OVOL2: variants seen among roughly 807,000 people sequenced by gnomAD.
The protein encoded by OVOL2 is transcription factor Ovo-like 2.
A neutral mutation model predicts 18.1 loss-of-function variants in OVOL2; 13 were observed. The ratio of observed to expected loss-of-function variants is 0.72; its 90% CI spans 0.47 to 1.14. OVOL2 has a LOEUF of 1.14. Ranked by LOEUF, OVOL2 falls within the 50% of genes most tolerant of loss-of-function variation. OVOL2 has a pLI of 0.00. For synonymous variants in OVOL2, 166 were observed against 162.7 expected (o/e 1.02, Z -0.16); for missense variants, 335 against 383.0 (o/e 0.87, Z 1.05).
intron 3 of OVOL2, among the ~76,000 whole-genome samples, chr20:18,038,826 C>T (rs913351047): frequency 6.6e-6 from 1 of 152,028 alleles, no homozygotes; most frequent in Non-Finnish European, 1.5e-5. Flanking sequence ...TGATTTCCTG[C>T]CCCTGGGGTC....
chr20:18,051,055 C>T (rs989693441), intron 2 of OVOL2, among the ~76,000 whole-genome samples: 10 of 152,020 alleles, frequency 6.6e-5, no homozygotes, highest in African/African-American at 2.4e-4. Flanking sequence ...CGGCTTGAAT[C>T]CATAATTCAC....
At chr20:18,053,572 G>A (rs1344513018) in intron 2 of OVOL2, among the ~76,000 whole-genome samples, 1 of 152,044 alleles carries the variant, frequency 6.6e-6, no homozygotes, top group Non-Finnish European at 1.5e-5. Context: ...TTTGTGGTAG[G>A]TGCCTGTAAT....
In OVOL2 at chr20:18,026,582, C is replaced by T. The variant is rs573982743; in HGVS notation, c.512-1630G>A. Among the ~76,000 whole-genome samples, 36 of 152,230 alleles carry T rather than the reference C, an allele frequency of 2.4e-4. 1 individual carries two copies. Among genetic ancestry groups the T allele is most frequent in the South Asian group, 1.7e-3 (8 of 4,820 alleles). ...ATCTTTAGTAGAGACGGGGTTTCAC[C>T]ATGTTAGCCAGAATGGTCTCGATCT... On this transcript the variant is annotated intron_variant, in intron 3 of 3. Coordinates refer to ENST00000278780, the MANE Select transcript of OVOL2 (RefSeq NM_021220.4).
At chr20:18,052,707 ATT>A (rs2036781460) in intron 2 of OVOL2, among the ~76,000 whole-genome samples, 2 of 152,334 alleles carry the variant, frequency 1.3e-5, no homozygotes, top group South Asian at 4.1e-4. Context: ...TCTAAACTTA[ATT>A]TATTTTGAAG....
At chr20:18,026,748 G>A (rs2036522794) in intron 3 of OVOL2, among the ~76,000 whole-genome samples, 1 of 152,134 alleles carries the variant, frequency 6.6e-6, no homozygotes. Flanking sequence ...AGAGCCACAG[G>A]TTAGGGTCTT....
In OVOL2 at chr20:18,057,661, C is replaced by T. The variant is rs1196533215; in HGVS notation, c.-27G>A. ...GTGGGGTCCCCTCTCCCGACTGCGG[C>T]CCCCTCCTCCCGGCTGCTCCCCGCT... On this transcript the variant is annotated 5_prime_UTR_variant, in exon 1 of 4. Coordinates refer to ENST00000278780, the MANE Select transcript of OVOL2 (RefSeq NM_021220.4). This position sits in a 1 kb window ranked among gnomAD's most constrained non-coding sequence, Gnocchi z 6.3. The T allele has an allele frequency of 1.9e-6, 3 of 1,544,304 alleles. No homozygotes were observed. Among genetic ancestry groups the T allele is most frequent in the Non-Finnish European group, 2.6e-6 (3 of 1,144,124 alleles).
chr20:18,041,722 A>T lies in OVOL2; in HGVS notation c.323T>A (p.Phe108Tyr), dbSNP rs765928290. 27 of 1,609,368 alleles carry T rather than the reference A, an allele frequency of 1.7e-5. No homozygotes were observed. Among genetic ancestry groups the T allele is most frequent in the Admixed American group, 1.0e-4 (6 of 59,882 alleles). The part of the protein sequence containing the change: ...QRPVARSKIK[F>Y]TTGTCSDSVV... Reference sequence around the variant, plus strand: ...CGAGTCGCTGCACGTGCCTGTGGTGAACTGGGGGCAGAGAGAGGCCATGAG... The same window carrying T: ...CGAGTCGCTGCACGTGCCTGTGGTGTACTGGGGGCAGAGAGAGGCCATGAG... The change falls in exon 3 of 4, where the codon TTC becomes TAC. Residue 108 changes from phenylalanine (F) to tyrosine (Y), a missense_variant and splice_region_variant. Transcript: ENST00000278780.
At chr20:18,049,226 A>G (rs896780639) in intron 2 of OVOL2, among the ~76,000 whole-genome samples, 11 of 152,058 alleles carry the variant, frequency 7.2e-5, no homozygotes, top group Non-Finnish European at 1.5e-4. Flanking sequence ...CAAACCAATC[A>G]TTGTCTCCGC....
chr20:18,035,628 C>G (rs1269512378), intron 3 of OVOL2, among the ~76,000 whole-genome samples: 1 of 152,214 alleles, frequency 6.6e-6, no homozygotes. Flanking sequence ...GAAGAGATGG[C>G]TCGGCAAGCC....
At chr20:18,031,553 G>A (rs183001655) in intron 3 of OVOL2, among the ~76,000 whole-genome samples, 26 of 152,198 alleles carry the variant, frequency 1.7e-4, no homozygotes, top group Non-Finnish European at 3.7e-4. Flanking sequence ...CTCCAACCTG[G>A]GTAACGGAGC....
rs919453420 is a variant in OVOL2, at chr20:18,057,680, C to G, written c.-46G>C. ...CTGCGGCCCCCTCCTCCCGGCTGCT[C>G]CCCGCTAGGGGCAACGGCGGCGGCT... On this transcript the variant is annotated 5_prime_UTR_variant, in exon 1 of 4. Coordinates refer to ENST00000278780, the MANE Select transcript of OVOL2 (RefSeq NM_021220.4). This position sits in a 1 kb window ranked among gnomAD's most constrained non-coding sequence, Gnocchi z 6.3. 5.9e-6 allele frequency: 9 copies of G among 1,530,170 alleles called. No homozygotes were observed. The highest frequency in any genetic ancestry group is 7.9e-6 in the Non-Finnish European group (9 of 1,136,984). 94.8% of individuals were successfully genotyped at this position (1,530,170 alleles called of 1,614,324 possible).
rs749450607 is a variant in OVOL2, at chr20:18,056,725, C to G, written c.253G>C (p.Gly85Arg). 7.2e-5 allele frequency: 106 copies of G among 1,465,694 alleles called. No individual in the cohort carries two copies. In the Middle Eastern group the frequency reaches 1.1e-3, roughly 15 times the overall value. 90.8% of individuals were successfully genotyped at this position (1,465,694 alleles called of 1,614,324 possible). ...TGTCCATCGGGGCCCTCGGCGTCGC[C>G]GGGCTCGGGGGTTTCGCTCTCGGGG... Reference protein sequence around the residue: ...HAPESETPEPGDAEGPDGHLA... With the variant: ...HAPESETPEPRDAEGPDGHLA... The change falls in exon 2 of 4, where the codon GGC (glycine) becomes CGC (arginine). Residue 85 changes from glycine (G) to arginine (R), a missense_variant. Transcript: ENST00000278780. This position sits in a 1 kb window ranked among gnomAD's most constrained non-coding sequence, Gnocchi z 4.2.
intron 3 of OVOL2, among the ~76,000 whole-genome samples, chr20:18,026,160 A>G (rs188378733): frequency 1.1e-4 from 16 of 152,272 alleles, no homozygotes; most frequent in Admixed American, 3.9e-4. Context: ...TGCCGCTCCT[A>G]CCTCCATGAT....
upstream of OVOL2, chr20:18,058,996 C>T (rs1403040098): frequency 6.6e-6 from 1 of 152,540 alleles, no homozygotes; most frequent in Non-Finnish European, 1.5e-5. Flanking sequence ...GGTCGTCAGA[C>T]GTGTGCCAGC....
intron 2 of OVOL2, among the ~76,000 whole-genome samples, chr20:18,055,721 G>T (rs2036815622): frequency 6.6e-6 from 1 of 152,206 alleles, no homozygotes; most frequent in Admixed American, 6.5e-5. Flanking sequence ...GGTCTGGGTG[G>T]CAGGAGGGCA....
intron 3 of OVOL2, among the ~76,000 whole-genome samples, chr20:18,026,643 G>A (rs999276507): frequency 1.6e-4 from 24 of 152,186 alleles, no homozygotes; most frequent in Middle Eastern, 3.4e-3. Flanking sequence ...GGCCTCCCAA[G>A]GTGCTGGGAT....
chr20:18,027,960 A>G (rs986044835), intron 3 of OVOL2, among the ~76,000 whole-genome samples: 2 of 152,032 alleles, frequency 1.3e-5, no homozygotes, highest in Admixed American at 6.5e-5. Context: ...TCACAAAAGC[A>G]TGGAAGTTGA....
At chr20:18,030,214 C>T (rs79377279) in intron 3 of OVOL2, among the ~76,000 whole-genome samples, 15,903 of 152,154 alleles carry the variant, frequency 0.1, 923 homozygotes, top group African/African-American at 0.12. Flanking sequence ...TGTGTTTTCC[C>T]GGCCTTCTGG....
chr20:18,049,492 G>T (rs1228146465), intron 2 of OVOL2, among the ~76,000 whole-genome samples: 1 of 152,112 alleles, frequency 6.6e-6, no homozygotes, highest in African/African-American at 2.4e-5. Flanking sequence ...GACACGGTGC[G>T]ATGCTTGAAT....
Sources: allele counts gnomAD v4.1 joint callset (sites outside exome capture counted in the v4.1 genomes callset), GRCh38; gene constraint gnomAD v4.1.1; non-coding constraint Gnocchi (gnomAD v3.1); transcripts MANE v1.5; gene names NCBI Gene and HGNC (gene_info 2026-07-23, HGNC 2026-07-21).